FAXDC2: variants seen among roughly 807,000 people sequenced by gnomAD.
The protein encoded by FAXDC2 is fatty acid hydroxylase domain containing 2.
FAXDC2 carries 41 observed loss-of-function variants against 40.9 expected under a neutral mutation model. That is an observed-to-expected ratio of 1.00 (90% CI 0.78 to 1.30). The LOEUF (loss-of-function observed/expected upper bound fraction) is 1.30. Ranked by LOEUF, FAXDC2 falls within the 50% of genes most tolerant of loss-of-function variation. FAXDC2 has a pLI of 0.00. For missense variants in FAXDC2, 390 were observed against 408.8 expected (o/e 0.95, Z 0.40); for synonymous variants, 157 against 149.3 (o/e 1.05, Z -0.38).
At chr5:154,824,884 T>G (rs1759982338) in intron 5 of FAXDC2, among the ~76,000 whole-genome samples, 1 of 151,598 alleles carries the variant, frequency 6.6e-6, no homozygotes, top group South Asian at 2.1e-4. Context: ...AGGCCAGGAA[T>G]TTGAGAGCAG....
chr5:154,833,970 C>G (rs1025959603), intron 4 of FAXDC2, among the ~76,000 whole-genome samples: 1 of 151,156 alleles, frequency 6.6e-6, no homozygotes, highest in Non-Finnish European at 1.5e-5. Context: ...GCCTGGCCTC[C>G]CATCTTAAAT....
chr5:154,831,153 G>A (rs913617092), intron 4 of FAXDC2: 17 of 431,036 alleles, frequency 3.9e-5, no homozygotes, highest in African/African-American at 5.8e-5. Context: ...AACCTTCAAG[G>A]TGGTTGGTGG....
At chr5:154,830,323 C>T (rs1056303654) in intron 5 of FAXDC2, 2 of 154,338 alleles carry the variant, frequency 1.3e-5, no homozygotes, top group African/African-American at 2.4e-5. Context: ...TTGAGTATTT[C>T]GGAAGGAGAA....
intron 1 of FAXDC2, among the ~76,000 whole-genome samples, chr5:154,841,603 T>C (rs561463595): frequency 2.6e-5 from 4 of 152,342 alleles, no homozygotes; most frequent in African/African-American, 9.6e-5. Flanking sequence ...AATGATTTTC[T>C]CCACCCTCAT....
intron 5 of FAXDC2, among the ~76,000 whole-genome samples, chr5:154,828,382 A>G (rs760029300): frequency 2.6e-5 from 4 of 152,098 alleles, no homozygotes; most frequent in Non-Finnish European, 5.9e-5. Flanking sequence ...AATGAGAGAA[A>G]GAGAAGGAAA....
intron 1 of FAXDC2, among the ~76,000 whole-genome samples, chr5:154,842,529 T>G (rs1161255201): frequency 1.6e-5 from 2 of 124,766 alleles, no homozygotes; most frequent in South Asian, 2.9e-4. Flanking sequence ...TTTTTTTTTT[T>G]TTTTTTTTTT....
intron 1 of FAXDC2, among the ~76,000 whole-genome samples, chr5:154,839,686 G>T (rs1760435608): frequency 6.6e-6 from 1 of 151,894 alleles, no homozygotes; most frequent in African/African-American, 2.4e-5. Flanking sequence ...GAACAATACT[G>T]GCAATAAATA....
intron 1 of FAXDC2, among the ~76,000 whole-genome samples, chr5:154,845,789 A>G (rs916416744): frequency 4.5e-5 from 6 of 134,594 alleles, no homozygotes; most frequent in South Asian, 2.4e-4. Flanking sequence ...TTGGACACCT[A>G]TTTTTTTTTT....
At chr5:154,835,200 A>C in intron 2 of FAXDC2, 1 of 390,270 alleles carries the variant, frequency 2.6e-6, no homozygotes, top group Non-Finnish European at 4.7e-6. Flanking sequence ...AGAAACTAGC[A>C]GGCAATTCTG....
intron 1 of FAXDC2, among the ~76,000 whole-genome samples, chr5:154,839,339 AAAAG>A (rs1221981946): frequency 3.3e-5 from 5 of 151,622 alleles, no homozygotes; most frequent in East Asian, 1.9e-4. Context: ...AAAAAAAAAA[AAAAG>A]AAAAGAAATA....
chr5:154,831,062 G>C (rs1202774805), intron 4 of FAXDC2, 140 bp from the exon 5 acceptor site: 6 of 920,606 alleles, frequency 6.5e-6, no homozygotes, highest in Non-Finnish European at 9.8e-6. Context: ...TTGGGACCAA[G>C]GGGTTACCTG....
chr5:154,835,087 G>A, intron 2 of FAXDC2, 153 bp from the exon 3 acceptor site: 1 of 612,026 alleles, frequency 1.6e-6, no homozygotes, highest in East Asian at 2.8e-5. Context: ...TCCAGCTTCT[G>A]TGGGAGCCTC....
At chr5:154,834,111 A>G (rs909588147) in intron 4 of FAXDC2, among the ~76,000 whole-genome samples, 10 of 150,278 alleles carry the variant, frequency 6.7e-5, no homozygotes, top group Middle Eastern at 7.0e-3. Flanking sequence ...TATTTGAGTG[A>G]ATGTATGATC....
At chr5:154,845,855 G>A (rs1760586487) in intron 1 of FAXDC2, among the ~76,000 whole-genome samples, 3 of 150,138 alleles carry the variant, frequency 2.0e-5, no homozygotes, top group South Asian at 2.1e-4. Context: ...GCGTGATCTC[G>A]GCTCACTGCA....
intron 5 of FAXDC2, among the ~76,000 whole-genome samples, chr5:154,826,485 C>T (rs558803143): frequency 2.4e-4 from 35 of 147,658 alleles, no homozygotes; most frequent in African/African-American, 6.8e-4. Flanking sequence ...GCCAAGATTG[C>T]GCCATTGTAC....
At position 154,820,476 on chromosome 5, in the gene FAXDC2, G is replaced by A. The variant is rs776270238; in HGVS notation, c.846-4C>T. ...CACCCCATAGCACTGGTTGAACCTA[G>A]AAGAGAGAGGACGGCACTGCAGTGC... On this transcript the variant is annotated splice_polypyrimidine_tract_variant and splice_region_variant and intron_variant, in intron 8 of 8. Transcript: ENST00000326080. The A allele has an allele frequency of 2.9e-5, 46 of 1,606,372 alleles. No homozygotes were observed. Among genetic ancestry groups the A allele is most frequent in the Non-Finnish European group, 3.5e-5 (41 of 1,176,230 alleles).
chr5:154,820,391 G>C lies in FAXDC2; in HGVS notation c.927C>G (p.Tyr309Ter). 1.2e-6 allele frequency: 2 copies of C among 1,612,844 alleles called. No homozygotes were observed. The highest frequency in any genetic ancestry group is 1.7e-6 in the Non-Finnish European group (2 of 1,179,812). ...AGCCCAGCAGGAGGACATGTCTCTC[G>C]TAGGCCTTGGTCTGCTTGAACATGG... is the stretch of plus-strand genomic sequence containing the variant. The part of the protein sequence containing the change: ...TDTMFKQTKA[Y>*]ERHVLLLGFT... The change falls in exon 9 of 9, where the codon TAC (tyrosine) becomes TAG (stop). Residue 309 changes from tyrosine (Y) to a stop codon, truncating the protein, a stop_gained. Coordinates refer to ENST00000326080, the MANE Select transcript of FAXDC2 (RefSeq NM_032385.5). LOFTEE classifies it high-confidence loss of function.
chr5:154,831,536 A>T (rs898972160), intron 4 of FAXDC2, among the ~76,000 whole-genome samples: 1 of 152,082 alleles, frequency 6.6e-6, no homozygotes, highest in East Asian at 1.9e-4. Flanking sequence ...TGTAGCCTCG[A>T]CCTGCCAAGC....
At chr5:154,833,490 C>T (rs888209585) in intron 4 of FAXDC2, among the ~76,000 whole-genome samples, 2 of 151,480 alleles carry the variant, frequency 1.3e-5, no homozygotes, top group African/African-American at 4.9e-5. Flanking sequence ...AGATTACAGG[C>T]ACGCACCACC....
Sources: gnomAD v4.1 joint callset for allele counts (sites outside exome capture counted in the v4.1 genomes callset) on GRCh38, gnomAD v4.1.1 for gene constraint, MANE v1.5 for transcripts, NCBI Gene and HGNC (gene_info 2026-07-23, HGNC 2026-07-21) for gene names.